The following UBE3D variants were observed in gnomAD, a reference collection of about 807,000 sequenced individuals.
UBE3D encodes ubiquitin protein ligase E3D.
In UBE3D, 48 loss-of-function variants were observed where a neutral mutation model predicts 49.6. That is an observed-to-expected ratio of 0.97 (90% CI 0.77 to 1.23). The LOEUF is 1.23. Among genes scored for constraint, UBE3D ranks in the 50% most tolerant of loss-of-function variants. The pLI is 0.00. For synonymous variants in UBE3D, 189 were observed against 174.2 expected (o/e 1.08, Z -0.67); for missense variants, 452 against 468.4 (o/e 0.96, Z 0.32).
chr6:82,966,938 G>T (rs1030614933), intron 8 of UBE3D, among the ~76,000 whole-genome samples: 7 of 152,066 alleles, frequency 4.6e-5, no homozygotes, highest in African/African-American at 1.7e-4. Flanking sequence ...ATTTTTACTT[G>T]CAAACAAAAT....
chr6:83,034,657 G>GCT (rs1393393440), intron 5 of UBE3D, among the ~76,000 whole-genome samples: 3 of 151,906 alleles, frequency 2.0e-5, no homozygotes, highest in African/African-American at 7.3e-5. Flanking sequence ...GCAATTCCCT[G>GCT]CTCTCTCTCT....
chr6:83,041,220 T>G (rs1782649507), intron 4 of UBE3D, among the ~76,000 whole-genome samples: 1 of 152,184 alleles, frequency 6.6e-6, no homozygotes, highest in Non-Finnish European at 1.5e-5. Context: ...TGTACTTCCT[T>G]TGTAACTGCC....
chr6:82,911,209 A>AAAAAC lies in UBE3D; in HGVS notation c.1150-18168_1150-18167insGTTTT, dbSNP rs1772486764. Among the ~76,000 whole-genome samples, 3 of 150,814 alleles carry AAAAAC rather than the reference A, an allele frequency of 2.0e-5. No individual in the cohort carries two copies. In the East Asian group the frequency reaches 5.8e-4, roughly 29 times the overall value. On this transcript the variant is annotated intron_variant, in intron 9 of 9. Transcript: ENST00000369747. ...AGAACATTTTGGCAAAAAAAAAAAA[A>AAAAAC]AAAAAAAAAAAAAACTCAGGGGGGA...
At chr6:82,931,166 T>C (rs560344679) in intron 9 of UBE3D, among the ~76,000 whole-genome samples, 1 of 152,312 alleles carries the variant, frequency 6.6e-6, no homozygotes, top group East Asian at 1.9e-4. Flanking sequence ...GTTAGGCCTG[T>C]GGGTACACAG....
At chr6:83,005,618 A>T (rs1194235798) in intron 8 of UBE3D, among the ~76,000 whole-genome samples, 4 of 143,546 alleles carry the variant, frequency 2.8e-5, no homozygotes, top group Admixed American at 1.4e-4. Flanking sequence ...TGCGGTCTCT[A>T]TTTTTTTTTT....
At chr6:83,060,164 G>A (rs1396970908) in intron 1 of UBE3D, among the ~76,000 whole-genome samples, 1 of 152,114 alleles carries the variant, frequency 6.6e-6, no homozygotes, top group African/African-American at 2.4e-5. Flanking sequence ...TGTACATTTT[G>A]AGGGGACACA....
chr6:82,885,375 A>G, the UBE3D span, among the ~76,000 whole-genome samples: 2 of 152,170 alleles, frequency 1.3e-5, no homozygotes, highest in East Asian at 3.9e-4. Context: ...AGGGGATGAC[A>G]AGGAGGGGTG....
intron 1 of UBE3D, among the ~76,000 whole-genome samples, chr6:83,061,067 A>G (rs547858829): frequency 1.3e-5 from 2 of 152,360 alleles, no homozygotes; most frequent in African/African-American, 4.8e-5. Context: ...AACCAATTTG[A>G]TGGAACAAAG....
At chr6:82,946,882 C>G (rs1343093987) in intron 9 of UBE3D, among the ~76,000 whole-genome samples, 1 of 150,370 alleles carries the variant, frequency 6.7e-6, no homozygotes, top group Non-Finnish European at 1.5e-5. Flanking sequence ...TTTTGCAAAC[C>G]TCATGTTAAC....
intron 9 of UBE3D, among the ~76,000 whole-genome samples, chr6:82,916,824 G>A (rs533861265): frequency 7.2e-5 from 11 of 152,292 alleles, no homozygotes; most frequent in Non-Finnish European, 1.5e-4. Flanking sequence ...AGGGGGTCTT[G>A]CATGTAACAC....
rs562870859 is a variant in UBE3D, at chr6:82,986,420, G to A, written c.1011-28970C>T. On this transcript the variant is annotated intron_variant, in intron 8 of 9. Coordinates refer to ENST00000369747, the MANE Select transcript of UBE3D (RefSeq NM_198920.3). Reference sequence around the variant, plus strand: ...CAAGAAGTGGAGGTTGCAGTGAGCCGAGATCATGCCATTGCACTCTAGCCT... The same window carrying A: ...CAAGAAGTGGAGGTTGCAGTGAGCCAAGATCATGCCATTGCACTCTAGCCT... Among the ~76,000 whole-genome samples, 37 of 130,870 alleles carry A rather than the reference G, an allele frequency of 2.8e-4. 1 individual carries two copies. The South Asian group carries it at 5.0e-3, about 18-fold the overall frequency. 85.9% of individuals were successfully genotyped at this position (130,870 alleles called of 152,430 possible). A position where few individuals can be genotyped will look rare whatever the true frequency, so the allele number is the denominator to read the frequency against.
chr6:82,899,605 A>G (rs1404464153), intron 9 of UBE3D, among the ~76,000 whole-genome samples: 1 of 152,224 alleles, frequency 6.6e-6, no homozygotes, highest in Non-Finnish European at 1.5e-5. Flanking sequence ...TATGTGGCAG[A>G]GGGAAGAGGA....
intron 9 of UBE3D, among the ~76,000 whole-genome samples, chr6:82,903,598 G>C (rs929161811): frequency 1.7e-4 from 26 of 152,114 alleles, no homozygotes; most frequent in African/African-American, 6.3e-4. Flanking sequence ...GAATCAAAAT[G>C]TAACCAGGTG....
intron 9 of UBE3D, among the ~76,000 whole-genome samples, chr6:82,928,898 A>G (rs1009833052): frequency 2.0e-5 from 3 of 152,202 alleles, no homozygotes; most frequent in Non-Finnish European, 2.9e-5. Context: ...AAAGATATGC[A>G]TAACAAAACC....
intron 8 of UBE3D, among the ~76,000 whole-genome samples, chr6:82,984,693 C>G (rs2127723004): frequency 6.6e-6 from 1 of 152,214 alleles, no homozygotes; most frequent in South Asian, 2.1e-4. Context: ...GATGAAGTAT[C>G]TGTGAATATT....
At chr6:82,995,357 G>GCCTTCAATTTCAATTGTGACAGTA (rs1779165666) in intron 8 of UBE3D, among the ~76,000 whole-genome samples, 1 of 151,698 alleles carries the variant, frequency 6.6e-6, no homozygotes, top group African/African-American at 2.4e-5. Flanking sequence ...AAAAGCAAAA[G>GCCTTCAATTTCAATTGTGACAGTA]CCTTCAATTT....
intron 8 of UBE3D, among the ~76,000 whole-genome samples, chr6:82,970,332 A>T (rs1322759756): frequency 1.3e-5 from 2 of 151,960 alleles, no homozygotes; most frequent in East Asian, 3.9e-4. Flanking sequence ...ACAAACACAA[A>T]TCTATAAGGG....
intron 9 of UBE3D, among the ~76,000 whole-genome samples, chr6:82,896,681 T>A (rs1424764314): frequency 6.6e-6 from 1 of 152,308 alleles, no homozygotes; most frequent in Admixed American, 6.5e-5. Context: ...TTACCCTAGA[T>A]AACAAATTTA....
intron 1 of UBE3D, among the ~76,000 whole-genome samples, chr6:83,063,778 T>C (rs1784326817): frequency 6.6e-6 from 1 of 152,204 alleles, no homozygotes; most frequent in South Asian, 2.1e-4. Context: ...ATTTTTTTTC[T>C]GGTTGAACGT....
Sources: gnomAD v4.1 joint callset for allele counts (sites outside exome capture counted in the v4.1 genomes callset) on GRCh38, gnomAD v4.1.1 for gene constraint, MANE v1.5 for transcripts, NCBI Gene and HGNC (gene_info 2026-07-23, HGNC 2026-07-21) for gene names.